DNAI7: variants seen among roughly 807,000 people sequenced by gnomAD.
The protein encoded by DNAI7 is dynein axonemal intermediate chain 7, also known as cancer susceptibility 1.
DNAI7 carries 78 observed loss-of-function variants against 86.6 expected under a neutral mutation model. That is an observed-to-expected ratio of 0.90 (90% confidence interval 0.75 to 1.09). The LOEUF is 1.09. DNAI7 is among the 50% of genes least tolerant of loss of function. DNAI7 has a pLI of 0.00. For synonymous variants in DNAI7, 274 were observed against 273.0 expected (o/e 1.00, Z -0.04); for missense variants, 753 against 810.2 (o/e 0.93, Z 0.86).
intron 12 of DNAI7, 53 bp from the exon 13 acceptor site, chr12:25,114,923 A>G: frequency 1.4e-6 from 2 of 1,391,772 alleles, no homozygotes; most frequent in Non-Finnish European, 2.0e-6. Flanking sequence ...CCTATTAAAA[A>G]AAGATAAATG....
chr12:25,117,125 T>G (rs1202774214), intron 12 of DNAI7, among the ~76,000 whole-genome samples: 1 of 150,768 alleles, frequency 6.6e-6, no homozygotes, highest in Non-Finnish European at 1.5e-5. Flanking sequence ...GTGGAGATGG[T>G]GTTTCTCCAT....
At chr12:25,185,512 A>G (rs1468550819) in intron 2 of DNAI7, among the ~76,000 whole-genome samples, 1 of 152,268 alleles carries the variant, frequency 6.6e-6, no homozygotes, top group Non-Finnish European at 1.5e-5. Flanking sequence ...AACTTAAACT[A>G]AATGGCCATA....
intron 9 of DNAI7, among the ~76,000 whole-genome samples, chr12:25,130,656 T>A (rs1005728184): frequency 3.3e-5 from 5 of 152,140 alleles, no homozygotes; most frequent in African/African-American, 7.2e-5. Flanking sequence ...CTTTAACTTT[T>A]AAAAGTTCAA....
rs1428991411 is a variant in DNAI7 at position 25,174,560 on chromosome 12, A to C, written c.22-13363T>G. 6.2e-4 allele frequency among the ~76,000 whole-genome samples: 40 copies of C among 64,638 alleles called. 4 individuals are homozygous for C. Among genetic ancestry groups the C allele is most frequent in the Non-Finnish European group, 8.8e-4 (31 of 35,306 alleles). 42.4% of individuals were successfully genotyped at this position (64,638 alleles called of 152,430 possible). Reference sequence around the variant, plus strand: ...TATGGGATATATATATGATATATATATCATATATATGGGATATATATCATA... The same window carrying C: ...TATGGGATATATATATGATATATATCTCATATATATGGGATATATATCATA... On this transcript the variant is annotated intron_variant, in intron 2 of 15. Transcript: ENST00000395987.
chr12:25,119,572 A>G (rs1206844023), intron 11 of DNAI7, among the ~76,000 whole-genome samples: 1 of 152,218 alleles, frequency 6.6e-6, no homozygotes, highest in Non-Finnish European at 1.5e-5. Flanking sequence ...CTAAAGGCCT[A>G]TATTTAACAG....
In DNAI7 at chr12:25,144,647, TTG is replaced by T. The variant is rs1310492796; in HGVS notation, c.718_719del (p.Gln240AsnfsTer4). On this transcript the variant is annotated frameshift_variant, in exon 9 of 16. Transcript: ENST00000395987. LOFTEE classifies it high-confidence loss of function. ...ATATCCTTGGAATCTCAAATCCAATTTGTGTTTCAGAGAATCTAACACTTCTG... is the reference window on the plus strand; with the variant it reads ...ATATCCTTGGAATCTCAAATCCAATTTGTTTCAGAGAATCTAACACTTCTG... ...RHRSVRFSET[Q>X]IGFEIPRILA... 12 of 1,613,768 alleles carry T rather than the reference TTG, an allele frequency of 7.4e-6. No individual in the cohort carries two copies. Among genetic ancestry groups the T allele is most frequent in the African/African-American group, 1.3e-5 (1 of 74,942 alleles).
chr12:25,188,957 C>T (rs1341789141), intron 2 of DNAI7, among the ~76,000 whole-genome samples: 1 of 152,174 alleles, frequency 6.6e-6, no homozygotes, highest in Non-Finnish European at 1.5e-5. Flanking sequence ...GCTTCCAGAG[C>T]CTTCATAAAT....
chr12:25,165,653 G>A (rs11614377), intron 2 of DNAI7, among the ~76,000 whole-genome samples: 2 of 135,160 alleles, frequency 1.5e-5, no homozygotes, highest in South Asian at 2.2e-4. Flanking sequence ...GGAAGCCTAC[G>A]GGACCATCAC....
At chr12:25,168,443 G>A (rs1289659132) in intron 2 of DNAI7, among the ~76,000 whole-genome samples, 2 of 152,086 alleles carry the variant, frequency 1.3e-5, no homozygotes, top group South Asian at 4.1e-4. Context: ...GGAATAGCAG[G>A]CATTTCAACC....
intron 9 of DNAI7, among the ~76,000 whole-genome samples, chr12:25,138,893 A>AT (rs1278048428): frequency 6.6e-6 from 1 of 151,700 alleles, no homozygotes; most frequent in East Asian, 1.9e-4. Flanking sequence ...AAAAAAAAAA[A>AT]TACAAAAGAT....
At position 25,138,013 on chromosome 12, in the gene DNAI7, A is replaced by C. The variant is rs955244249; in HGVS notation, c.1002+6352T>G. On this transcript the variant is annotated intron_variant, in intron 9 of 15. Transcript: ENST00000395987. Reference sequence around the variant, plus strand: ...CAAGACAGAAAATGGAAAAAAAAAAACAAAACAAAACTATACCCTAGAACA... The same window carrying C: ...CAAGACAGAAAATGGAAAAAAAAAACCAAAACAAAACTATACCCTAGAACA... 3.8e-4 allele frequency among the ~76,000 whole-genome samples: 58 copies of C among 152,210 alleles called. 1 individual carries two copies. The highest frequency in any genetic ancestry group is 1.3e-3 in the African/African-American group (52 of 41,506).
intron 4 of DNAI7, among the ~76,000 whole-genome samples, chr12:25,158,187 C>T (rs541095688): frequency 3.4e-4 from 51 of 152,108 alleles, no homozygotes; most frequent in African/African-American, 1.2e-3. Flanking sequence ...CAAGATCACA[C>T]CACTGCACTC....
chr12:25,174,674 T>TATATCATATATATGGAATATAG (rs1948744431), intron 2 of DNAI7, among the ~76,000 whole-genome samples: 2 of 64,650 alleles, frequency 3.1e-5, no homozygotes, highest in African/African-American at 1.4e-4. Flanking sequence ...ATGGAATATA[T>TATATCATATATATGGAATATAG]ATATCATATA....
At chr12:25,142,010 G>C (rs901703873) in intron 9 of DNAI7, among the ~76,000 whole-genome samples, 1 of 152,152 alleles carries the variant, frequency 6.6e-6, no homozygotes, top group African/African-American at 2.4e-5. Flanking sequence ...TATCTGCCCA[G>C]AGGAAAATAA....
Position 25,117,938 on chromosome 12 carries a change from C to CTTTATT in DNAI7, c.1396+1206_1396+1207insAATAAA, listed in dbSNP as rs1555154890. Among the ~76,000 whole-genome samples, 2 of 135,036 alleles carry CTTTATT rather than the reference C, an allele frequency of 1.5e-5. 1 individual carries two copies. 88.6% of individuals were successfully genotyped at this position (135,036 alleles called of 152,430 possible). ...TAAACTATTTTGATATTTTCTTTTTCTTTTTTTTTTTTTTTTTGAGACGGA... is the reference window on the plus strand; with the variant it reads ...TAAACTATTTTGATATTTTCTTTTTCTTTATTTTTTTTTTTTTTTTTTTGAGACGGA... On this transcript the variant is annotated intron_variant, in intron 12 of 15. Coordinates refer to ENST00000395987, the MANE Select transcript of DNAI7 (RefSeq NM_018272.5).
At chr12:25,165,806 T>G (rs1469588637) in intron 2 of DNAI7, among the ~76,000 whole-genome samples, 1 of 152,190 alleles carries the variant, frequency 6.6e-6, no homozygotes, top group Non-Finnish European at 1.5e-5. Context: ...ACGGCCAGGC[T>G]TCTAAACCTC....
At chr12:25,134,977 AACTTGAAGCTCCC>A (rs1483355140) in intron 9 of DNAI7, among the ~76,000 whole-genome samples, 1 of 152,238 alleles carries the variant, frequency 6.6e-6, no homozygotes, top group Non-Finnish European at 1.5e-5. Context: ...AGGCAGGACT[AACTTGAAGCTCCC>A]ACTTGGACAG....
intron 9 of DNAI7, among the ~76,000 whole-genome samples, chr12:25,142,870 T>C (rs1463222825): frequency 2.6e-5 from 4 of 152,162 alleles, no homozygotes; most frequent in Non-Finnish European, 5.9e-5. Context: ...TCACATCTTA[T>C]TAGCTAAGTC....
chr12:25,122,388 T>C (rs1941441958), intron 10 of DNAI7, among the ~76,000 whole-genome samples: 1 of 145,170 alleles, frequency 6.9e-6, no homozygotes, highest in South Asian at 2.1e-4. Flanking sequence ...GCCTGGGCAG[T>C]TGAGGCTGCA....
Sources: allele counts gnomAD v4.1 joint callset (sites outside exome capture counted in the v4.1 genomes callset), GRCh38; gene constraint gnomAD v4.1.1; transcripts MANE v1.5; gene names NCBI Gene and HGNC (gene_info 2026-07-23, HGNC 2026-07-21).